The following SMYD3 variants were observed in gnomAD, a reference collection of about 807,000 sequenced individuals.
The protein encoded by SMYD3 is SET and MYND domain containing 3.
In SMYD3, 36 loss-of-function variants were observed where a neutral mutation model predicts 57.7. The observed-to-expected ratio is 0.62, with a 90% CI of 0.48 to 0.82. The LOEUF (loss-of-function observed/expected upper bound fraction) is 0.82. Among genes scored for constraint, SMYD3 ranks in the 40% least tolerant of loss-of-function variants. The pLI, the probability that SMYD3 is intolerant of heterozygous loss-of-function variation, is 0.00. For synonymous variants in SMYD3, 211 were observed against 195.0 expected (o/e 1.08, Z -0.68); for missense variants, 515 against 538.8 (o/e 0.96, Z 0.44).
chr1:245,883,283 G>A (rs1189704895), intron 8 of SMYD3, among the ~76,000 whole-genome samples: 2 of 152,030 alleles, frequency 1.3e-5, no homozygotes, highest in Non-Finnish European at 2.9e-5. Context: ...TGGAAAAATC[G>A]AGATAATATG....
Position 245,874,175 on chromosome 1 carries a change from C to T in SMYD3, c.814-10289G>A, listed in dbSNP as rs369048752. Reference sequence around the variant, plus strand: ...CCCCAGCCATAGCACAGAGAGTCTACAGGACTGAAGACAACACTCAACATG... The same window carrying T: ...CCCCAGCCATAGCACAGAGAGTCTATAGGACTGAAGACAACACTCAACATG... On this transcript the variant is annotated intron_variant, in intron 8 of 11. Transcript: ENST00000490107. 7.2e-5 allele frequency among the ~76,000 whole-genome samples: 11 copies of T among 152,278 alleles called. No homozygotes were observed. In the East Asian group the frequency reaches 1.9e-3, roughly 27 times the overall value.
At position 245,885,545 on chromosome 1, in the gene SMYD3, A is replaced by G. The variant is rs115430105; in HGVS notation, c.814-21659T>C. Among the ~76,000 whole-genome samples, 1,119 of 152,268 alleles carry G rather than the reference A, an allele frequency of 7.3e-3. 10 individuals are homozygous for G. Among genetic ancestry groups the G allele is most frequent in the East Asian group, 0.062 (319 of 5,172 alleles). The stretch of plus-strand genomic sequence containing the variant: ...ACTTCCTTACCCTCACTATCTGCCC[A>G]ACTAATTTCTTTTTAACTCCTATAT... On this transcript the variant is annotated intron_variant, in intron 8 of 11. Coordinates refer to ENST00000490107, the MANE Select transcript of SMYD3 (RefSeq NM_001167740.2).
intron 5 of SMYD3, among the ~76,000 whole-genome samples, chr1:246,045,365 A>G (rs1433127865): frequency 6.6e-6 from 1 of 152,162 alleles, no homozygotes; most frequent in African/African-American, 2.4e-5. Context: ...AAACCTCACA[A>G]AAAGAAGAAA....
chr1:246,293,911 A>C (rs1216178958), intron 5 of SMYD3, among the ~76,000 whole-genome samples: 1 of 152,150 alleles, frequency 6.6e-6, no homozygotes, highest in Non-Finnish European at 1.5e-5. Flanking sequence ...TATTGAACTC[A>C]ATGAACCTTT....
At chr1:245,779,615 G>A (rs1387973971) in intron 10 of SMYD3, among the ~76,000 whole-genome samples, 1 of 152,146 alleles carries the variant, frequency 6.6e-6, no homozygotes, top group African/African-American at 2.4e-5. Flanking sequence ...CTTTAGTCTT[G>A]TTCCTAGAGG....
chr1:246,450,035 C>G (rs762473599), intron 1 of SMYD3, among the ~76,000 whole-genome samples: 5 of 152,168 alleles, frequency 3.3e-5, no homozygotes, highest in Non-Finnish European at 7.3e-5. Flanking sequence ...CACCTATTAT[C>G]CCAGCACTTT....
chr1:246,374,405 G>A (rs2066238117), intron 1 of SMYD3, among the ~76,000 whole-genome samples: 1 of 152,154 alleles, frequency 6.6e-6, no homozygotes, highest in African/African-American at 2.4e-5. Flanking sequence ...GTTCCCAGCT[G>A]AAGTCAAACA....
chr1:245,968,299 TCTC>T (rs2058208373), intron 5 of SMYD3, among the ~76,000 whole-genome samples: 1 of 148,040 alleles, frequency 6.8e-6, no homozygotes, highest in Non-Finnish European at 1.5e-5. Flanking sequence ...GACACTCAGT[TCTC>T]CTCAAATGAA....
chr1:246,063,919 C>G (rs1048086833), intron 5 of SMYD3, among the ~76,000 whole-genome samples: 1 of 152,152 alleles, frequency 6.6e-6, no homozygotes, highest in Non-Finnish European at 1.5e-5. Flanking sequence ...GGATTAGAGG[C>G]GTAAGCCACC....
At chr1:245,777,088 C>G (rs2046635614) in intron 10 of SMYD3, among the ~76,000 whole-genome samples, 1 of 152,126 alleles carries the variant, frequency 6.6e-6, no homozygotes, top group African/African-American at 2.4e-5. Context: ...AAAAAATGAT[C>G]GTAATGGACA....
rs1046844204 is a variant in SMYD3 at position 246,396,396 on chromosome 1, C to T, written c.165-41302G>A. On this transcript the variant is annotated intron_variant, in intron 1 of 11. Coordinates refer to ENST00000490107, the MANE Select transcript of SMYD3 (RefSeq NM_001167740.2). Reference sequence around the variant, plus strand: ...ACTAATTATATATCAAACCACAAAGCTCTCGAAGTTTCTGCTCCCTCCTTA... The same window carrying T: ...ACTAATTATATATCAAACCACAAAGTTCTCGAAGTTTCTGCTCCCTCCTTA... Among the ~76,000 whole-genome samples the T allele has an allele frequency of 9.2e-5, 14 of 152,120 alleles. 1 individual carries two copies. Among genetic ancestry groups the T allele is most frequent in the African/African-American group, 3.4e-4 (14 of 41,414 alleles).
intron 5 of SMYD3, among the ~76,000 whole-genome samples, chr1:245,946,433 G>A (rs991894801): frequency 7.2e-5 from 11 of 152,186 alleles, no homozygotes; most frequent in South Asian, 6.2e-4. Flanking sequence ...AACATCTGAC[G>A]TTCCCACGCC....
chr1:246,299,697 G>A lies in SMYD3; in HGVS notation c.531+27504C>T, dbSNP rs553436498. On this transcript the variant is annotated intron_variant, in intron 5 of 11. Transcript: ENST00000490107. ...GGTATCCTTTGCAAGAACATGGATG[G>A]AACTGGAGGTCATTATCCTTAGTAA... is the stretch of plus-strand genomic sequence containing the variant. Among the ~76,000 whole-genome samples, 68 of 152,230 alleles carry A rather than the reference G, an allele frequency of 4.5e-4. 1 individual carries two copies. Among genetic ancestry groups the A allele is most frequent in the Non-Finnish European group, 7.5e-4 (51 of 68,004 alleles).
At chr1:245,833,069 A>AC (rs1460597078) in intron 10 of SMYD3, among the ~76,000 whole-genome samples, 2 of 99,106 alleles carry the variant, frequency 2.0e-5, no homozygotes, top group Non-Finnish European at 5.6e-5. Context: ...CAAAAAAAAA[A>AC]AAAAAACCTG....
At chr1:246,398,827 T>G (rs1003471425) in intron 1 of SMYD3, among the ~76,000 whole-genome samples, 1 of 152,130 alleles carries the variant, frequency 6.6e-6, no homozygotes, top group East Asian at 1.9e-4. Context: ...ATTCAAGAAC[T>G]AGTGATGAGT....
intron 5 of SMYD3, among the ~76,000 whole-genome samples, chr1:246,059,398 T>C (rs887704367): frequency 1.3e-5 from 2 of 152,248 alleles, no homozygotes; most frequent in East Asian, 3.9e-4. Context: ...GAAGAACTAT[T>C]AAAAGTAGTT....
chr1:246,169,357 G>C (rs921307785), intron 5 of SMYD3, among the ~76,000 whole-genome samples: 3 of 95,910 alleles, frequency 3.1e-5, no homozygotes, highest in Non-Finnish European at 5.8e-5. Context: ...GTCAAAGTCA[G>C]TTACAGGGCA....
At chr1:246,265,904 A>C (rs372339244) in intron 5 of SMYD3, among the ~76,000 whole-genome samples, 50 of 152,314 alleles carry the variant, frequency 3.3e-4, no homozygotes, top group African/African-American at 1.2e-3. Context: ...TTTTCTCCTC[A>C]AGCTATTGGG....
chr1:245,887,679 C>T (rs1429311959), intron 8 of SMYD3, among the ~76,000 whole-genome samples: 1 of 152,104 alleles, frequency 6.6e-6, no homozygotes, highest in Non-Finnish European at 1.5e-5. Context: ...TCTTTCATTG[C>T]CACTATACTT....
Sources: gnomAD v4.1 joint callset for allele counts (sites outside exome capture counted in the v4.1 genomes callset) on GRCh38, gnomAD v4.1.1 for gene constraint, MANE v1.5 for transcripts, NCBI Gene and HGNC (gene_info 2026-07-23, HGNC 2026-07-21) for gene names.